RASEF: variants seen among roughly 807,000 people sequenced by gnomAD.
RASEF encodes the protein ras and EF-hand domain-containing protein.
In RASEF, 68 loss-of-function variants were observed where a neutral mutation model predicts 90.1. The observed-to-expected ratio is 0.75, with a 90% CI of 0.62 to 0.92. The LOEUF is 0.92. Ranked by LOEUF, RASEF falls within the 40% of genes least tolerant of loss-of-function variation. The pLI is 0.00. For synonymous variants in RASEF, 331 were observed against 345.2 expected (o/e 0.96, Z 0.46); for missense variants, 949 against 937.2 (o/e 1.01, Z -0.16).
the RASEF span, among the ~76,000 whole-genome samples, chr9:83,177,665 T>C: frequency 6.6e-6 from 1 of 152,022 alleles, no homozygotes; most frequent in Non-Finnish European, 1.5e-5. Flanking sequence ...CTCTTGCTGA[T>C]TTTAAGATTT....
the RASEF span, among the ~76,000 whole-genome samples, chr9:83,187,889 T>C: frequency 2.4e-4 from 37 of 152,316 alleles, no homozygotes; most frequent in African/African-American, 8.2e-4. Context: ...ACGAGAGCTC[T>C]ACAATCCACC....
At chr9:83,217,655 T>C in the RASEF span, among the ~76,000 whole-genome samples, 2 of 152,196 alleles carry the variant, frequency 1.3e-5, no homozygotes, top group African/African-American at 2.4e-5. Flanking sequence ...GCCATGATTG[T>C]GAGGCCTCCC....
intron 2 of RASEF, among the ~76,000 whole-genome samples, chr9:83,024,159 A>T (rs1829495313): frequency 6.6e-6 from 1 of 152,220 alleles, no homozygotes; most frequent in African/African-American, 2.4e-5. Flanking sequence ...TTGGTAGCTA[A>T]GAAAGGAGGC....
the RASEF span, among the ~76,000 whole-genome samples, chr9:83,082,843 G>A: frequency 3.9e-5 from 6 of 152,210 alleles, no homozygotes; most frequent in South Asian, 8.3e-4. Context: ...AGGAGGTAAC[G>A]GATGGAACTA....
rs199757230 is a variant in RASEF, at chr9:83,024,332, GT to G, written c.578+1442del. On this transcript the variant is annotated intron_variant, in intron 2 of 16. Transcript: ENST00000376447. ...ATGAGAACATCAAGCATGCCAGTCT[GT>G]TTTTTTCCTCATAGGTTTACATGGT... Among the ~76,000 whole-genome samples the G allele has an allele frequency of 6.5e-3, 985 of 151,602 alleles. 11 individuals carry two copies. The highest frequency in any genetic ancestry group is 0.023 in the African/African-American group (934 of 40,924).
upstream of RASEF, among the ~76,000 whole-genome samples, chr9:83,064,129 G>A (rs1482221192): frequency 6.6e-6 from 1 of 152,108 alleles, no homozygotes; most frequent in Non-Finnish European, 1.5e-5. Flanking sequence ...TTAAGTAAGG[G>A]ATATTACTGA....
chr9:83,034,265 A>G (rs1829701025), intron 1 of RASEF, among the ~76,000 whole-genome samples: 1 of 152,214 alleles, frequency 6.6e-6, no homozygotes, highest in African/African-American at 2.4e-5. Flanking sequence ...ACTTGGCCAC[A>G]GCAACCAGCA....
At chr9:83,073,202 G>A in the RASEF span, among the ~76,000 whole-genome samples, 1 of 152,010 alleles carries the variant, frequency 6.6e-6, no homozygotes, top group Non-Finnish European at 1.5e-5. Context: ...TGCTTTACCT[G>A]TATATTCAGA....
At chr9:83,064,150 C>G (rs1217632650), upstream of RASEF, among the ~76,000 whole-genome samples, 1 of 152,174 alleles carries the variant, frequency 6.6e-6, no homozygotes, top group African/African-American at 2.4e-5. Context: ...CACGTTCCTA[C>G]TAGGCTAGTG....
At chr9:83,024,325 C>G (rs1829499147) in intron 2 of RASEF, among the ~76,000 whole-genome samples, 2 of 151,508 alleles carry the variant, frequency 1.3e-5, no homozygotes, top group Admixed American at 1.3e-4. Flanking sequence ...ATCAAGCATG[C>G]CAGTCTGTTT....
chr9:83,034,660 T>G (rs1829706708), intron 1 of RASEF, among the ~76,000 whole-genome samples: 1 of 152,216 alleles, frequency 6.6e-6, no homozygotes, highest in Non-Finnish European at 1.5e-5. Flanking sequence ...GGAAGCATCA[T>G]GCTGACGCTT....
intron 14 of RASEF, among the ~76,000 whole-genome samples, chr9:82,996,053 TG>T (rs1828913684): frequency 6.6e-6 from 1 of 152,246 alleles, no homozygotes; most frequent in African/African-American, 2.4e-5. Flanking sequence ...CATGATAAGT[TG>T]GTAGAACAGA....
the RASEF span, among the ~76,000 whole-genome samples, chr9:83,192,421 C>T: frequency 5.3e-5 from 8 of 152,204 alleles, no homozygotes; most frequent in East Asian, 7.7e-4. Flanking sequence ...TGGATGCAGC[C>T]ATAGGCCATT....
intron 14 of RASEF, among the ~76,000 whole-genome samples, chr9:82,994,448 A>G (rs1828873537): frequency 6.6e-6 from 1 of 152,202 alleles, no homozygotes; most frequent in South Asian, 2.1e-4. Context: ...CCACTTCCTT[A>G]TCGTCAGGCC....
At chr9:82,996,565 G>A (rs1221055485) in intron 14 of RASEF, among the ~76,000 whole-genome samples, 7 of 152,130 alleles carry the variant, frequency 4.6e-5, no homozygotes, top group African/African-American at 1.7e-4. Flanking sequence ...GAGAAGAGAA[G>A]AGAGCTCCCA....
the RASEF span, among the ~76,000 whole-genome samples, chr9:83,159,145 C>T: frequency 1.3e-5 from 2 of 149,424 alleles, no homozygotes; most frequent in Non-Finnish European, 3.0e-5. Flanking sequence ...AAGATCACGC[C>T]ACTGCACTCC....
At chr9:83,175,130 T>C in the RASEF span, among the ~76,000 whole-genome samples, 1 of 152,174 alleles carries the variant, frequency 6.6e-6, no homozygotes, top group Admixed American at 6.5e-5. Context: ...CTTTCTGTCC[T>C]AATTGTTCTA....
chr9:83,015,785 TC>T lies in RASEF; in HGVS notation c.765+19del, dbSNP rs746588156. 6.4e-7 allele frequency: 1 copy of T among 1,571,116 alleles called. No homozygotes were observed. The highest frequency in any genetic ancestry group is 8.8e-7 in the Non-Finnish European group (1 of 1,140,952). On this transcript the variant is annotated intron_variant, in intron 4 of 16. Transcript: ENST00000376447. ...GAGATGCTGAGGCTGTTCCTACAAG[TC>T]CAGCTGCCACATGCCTACCTTTCTT...
At chr9:83,011,726 A>T (rs144027737) in intron 5 of RASEF, among the ~76,000 whole-genome samples, 196 of 152,108 alleles carry the variant, frequency 1.3e-3, no homozygotes, top group African/African-American at 4.7e-3. Context: ...AAAATCAACC[A>T]GAAAATCCAA....
Sources: gnomAD v4.1 joint callset for allele counts (sites outside exome capture counted in the v4.1 genomes callset) on GRCh38, gnomAD v4.1.1 for gene constraint, MANE v1.5 for transcripts, NCBI Gene and HGNC (gene_info 2026-07-23, HGNC 2026-07-21) for gene names.